ADCK1: variants seen among roughly 807,000 people sequenced by gnomAD.
ADCK1 encodes the protein aarF domain containing kinase 1, also known as aarF domain-containing protein kinase 1.
A neutral mutation model predicts 52.3 loss-of-function variants in ADCK1; 41 were observed. That is an observed-to-expected ratio of 0.78 (90% CI 0.61 to 1.02). ADCK1 has a LOEUF of 1.02. Among genes scored for constraint, ADCK1 ranks in the 50% least tolerant of loss-of-function variants. ADCK1 has a pLI of 0.00. For synonymous variants in ADCK1, 250 were observed against 274.6 expected (o/e 0.91, Z 0.89); for missense variants, 658 against 679.5 (o/e 0.97, Z 0.35).
chr14:77,892,550 C>T (rs2083304049), intron 5 of ADCK1, among the ~76,000 whole-genome samples: 1 of 152,020 alleles, frequency 6.6e-6, no homozygotes, highest in Non-Finnish European at 1.5e-5. Flanking sequence ...CCTGGCTCGC[C>T]CTCCTGAGCG....
In ADCK1 at chr14:77,822,441, G is replaced by A; in HGVS notation, c.142G>A (p.Val48Ile). Reference protein sequence around the residue: ...RVGRAVATTAVISYDYLTSLK... With the variant: ...RVGRAVATTAIISYDYLTSLK... ...CCACTGCCTTGGTTCACAGACGGCT[G>A]TCATCAGTTACGACTACCTCACTTC... Residue 48 changes from valine (V) to isoleucine (I), a missense_variant, in exon 3 of 11, where the codon GTC becomes ATC. Coordinates refer to ENST00000238561, the MANE Select transcript of ADCK1 (RefSeq NM_020421.4). The A allele has an allele frequency of 6.2e-7, 1 of 1,613,912 alleles. No homozygotes were observed. The highest frequency in any genetic ancestry group is 1.1e-5 in the South Asian group (1 of 91,084).
chr14:77,905,584 G>A (rs1378433311), intron 6 of ADCK1, among the ~76,000 whole-genome samples: 1 of 151,944 alleles, frequency 6.6e-6, no homozygotes, highest in Non-Finnish European at 1.5e-5. Context: ...CACTGTCAAA[G>A]GTAGGTTTAC....
rs2083704834 is a variant in ADCK1 at position 77,907,916 on chromosome 14, T to C, written c.855T>C (p.Asn285=). 1.2e-6 allele frequency: 2 copies of C among 1,613,290 alleles called. No individual in the cohort carries two copies. The highest frequency in any genetic ancestry group is 2.2e-5 in the South Asian group (2 of 91,030). The change falls in exon 7 of 11, where the codon AAT becomes AAC. Residue 285 remains asparagine, a synonymous_variant. Coordinates refer to ENST00000238561, the MANE Select transcript of ADCK1 (RefSeq NM_020421.4). ...DYMERNKIDV[N]EISRHLGKMY... is the part of the protein sequence containing the mutation. ...TGGAGAGGAACAAGATCGACGTCAA[T>C]GAGGTGAGGTCAAGAGCTCAGGGCT...
chr14:77,808,631 A>G (rs923952748), intron 1 of ADCK1, among the ~76,000 whole-genome samples: 2 of 152,218 alleles, frequency 1.3e-5, no homozygotes, highest in Non-Finnish European at 1.5e-5. Flanking sequence ...GCTGGAGTGC[A>G]ATGGCGTGAT....
chr14:77,859,306 C>T, intron 4 of ADCK1, 27 bp downstream of exon 4: 1 of 1,602,012 alleles, frequency 6.2e-7, no homozygotes, highest in Non-Finnish European at 8.5e-7. Context: ...GGGGGATGGG[C>T]CTTGGTTGGG....
chr14:77,903,397 G>C (rs536401696), intron 6 of ADCK1, among the ~76,000 whole-genome samples: 1 of 152,318 alleles, frequency 6.6e-6, no homozygotes, highest in East Asian at 1.9e-4. Flanking sequence ...AGTGTGTGAG[G>C]CATCTTCCGG....
chr14:77,847,295 G>A (rs1210144026), intron 3 of ADCK1, among the ~76,000 whole-genome samples: 2 of 152,184 alleles, frequency 1.3e-5, no homozygotes, highest in Non-Finnish European at 2.9e-5. Flanking sequence ...ACCAGGCTGG[G>A]CGCTGTGGCC....
chr14:77,835,640 G>A (rs926486886), intron 3 of ADCK1, among the ~76,000 whole-genome samples: 1 of 152,158 alleles, frequency 6.6e-6, no homozygotes, highest in Non-Finnish European at 1.5e-5. Context: ...TGATTCTGAG[G>A]TAAGGCCTGG....
chr14:77,828,120 G>A (rs915340134), intron 3 of ADCK1: 13 of 181,130 alleles, frequency 7.2e-5, no homozygotes, highest in Non-Finnish European at 1.3e-4. Context: ...GAGCCACTGC[G>A]CCCAGCCCAA....
At chr14:77,867,420 G>A (rs1481131793) in intron 4 of ADCK1, among the ~76,000 whole-genome samples, 1 of 152,114 alleles carries the variant, frequency 6.6e-6, no homozygotes, top group Non-Finnish European at 1.5e-5. Context: ...CTTCCCAGCA[G>A]CTCTCAATAA....
chr14:77,809,307 C>G (rs1445588103), intron 1 of ADCK1, among the ~76,000 whole-genome samples: 1 of 151,956 alleles, frequency 6.6e-6, no homozygotes, highest in African/African-American at 2.4e-5. Flanking sequence ...TGGCCTACTT[C>G]CCCTGTTTAT....
intron 1 of ADCK1, among the ~76,000 whole-genome samples, chr14:77,803,029 AG>A (rs953919075): frequency 7.2e-5 from 11 of 152,184 alleles, no homozygotes; most frequent in African/African-American, 2.7e-4. Flanking sequence ...AAACCTGCTC[AG>A]GCCAACTTCA....
chr14:77,811,051 C>T (rs1247252239), intron 1 of ADCK1, among the ~76,000 whole-genome samples: 1 of 151,628 alleles, frequency 6.6e-6, no homozygotes, highest in African/African-American at 2.4e-5. Flanking sequence ...TCTGTTGCCC[C>T]TTTCAGCAGA....
At chr14:77,879,522 C>T (rs547308319) in intron 4 of ADCK1, among the ~76,000 whole-genome samples, 1 of 151,946 alleles carries the variant, frequency 6.6e-6, no homozygotes, top group Non-Finnish European at 1.5e-5. Context: ...GGTGGCTGAA[C>T]GAGGTCATAT....
intron 1 of ADCK1, among the ~76,000 whole-genome samples, chr14:77,810,062 C>G (rs2081308031): frequency 6.8e-6 from 1 of 146,654 alleles, no homozygotes; most frequent in Non-Finnish European, 1.5e-5. Flanking sequence ...AAAAAAATTA[C>G]AAGAGAGTCT....
chr14:77,883,195 G>A (rs758436712), intron 4 of ADCK1, among the ~76,000 whole-genome samples: 18 of 151,984 alleles, frequency 1.2e-4, no homozygotes, highest in African/African-American at 3.6e-4. Flanking sequence ...TGATTTTGCC[G>A]CTAGACCCAG....
chr14:77,845,068 T>C (rs2082149180), intron 3 of ADCK1, among the ~76,000 whole-genome samples: 1 of 152,238 alleles, frequency 6.6e-6, no homozygotes, highest in Admixed American at 6.5e-5. Context: ...CTGAGATGAT[T>C]TGTTCAGGAT....
At chr14:77,822,063 T>C (rs938971193) in intron 2 of ADCK1, among the ~76,000 whole-genome samples, 3 of 152,164 alleles carry the variant, frequency 2.0e-5, no homozygotes, top group African/African-American at 7.2e-5. Context: ...TGGTAAGTGA[T>C]GGACAGGAAG....
intron 5 of ADCK1, among the ~76,000 whole-genome samples, chr14:77,888,756 A>G (rs1306575498): frequency 1.3e-5 from 2 of 152,192 alleles, no homozygotes; most frequent in Non-Finnish European, 2.9e-5. Flanking sequence ...GATTACGTTT[A>G]GGTATATTTA....
Sources: allele counts gnomAD v4.1 joint callset (sites outside exome capture counted in the v4.1 genomes callset), GRCh38; gene constraint gnomAD v4.1.1; transcripts MANE v1.5; gene names NCBI Gene and HGNC (gene_info 2026-07-23, HGNC 2026-07-21).